STAG1: variants seen among roughly 807,000 people sequenced by gnomAD.
STAG1 encodes the protein STAG1 cohesin complex component.
Under a neutral mutation model 170.9 loss-of-function variants are expected in STAG1, and 26 were observed. The ratio of observed to expected loss-of-function variants is 0.15; its 90% CI spans 0.11 to 0.21. The LOEUF (loss-of-function observed/expected upper bound fraction) is 0.21, where lower values mean the gene tolerates loss of function less well. Ranked by LOEUF, STAG1 falls within the 10% of genes least tolerant of loss-of-function variation. The pLI, the probability that STAG1 is intolerant of heterozygous loss-of-function variation, is 1.00. For missense variants in STAG1, 964 were observed against 1,509.5 expected (o/e 0.64, Z 5.99); for synonymous variants, 514 against 497.7 (o/e 1.03, Z -0.44).
intron 6 of STAG1, among the ~76,000 whole-genome samples, chr3:136,522,289 C>T (rs958369702): frequency 2.0e-5 from 3 of 152,118 alleles, no homozygotes; most frequent in Non-Finnish European, 2.9e-5. Flanking sequence ...ATACAGAACA[C>T]CAGATCCCAA....
rs1458348459 is a variant in STAG1 at position 136,337,383 on chromosome 3, A to G, written c.*871T>C. ...AATAAGTGGTAAAAACAGCAAACTG[A>G]TAACTTGAGAATCATTTTCGTTTTA... On this transcript the variant is annotated 3_prime_UTR_variant, in exon 34 of 34. Transcript: ENST00000383202. 1.3e-5 allele frequency: 2 copies of G among 152,636 alleles called. No homozygotes were observed. Among genetic ancestry groups the G allele is most frequent in the African/African-American group, 2.4e-5 (1 of 41,450 alleles). The allele number at this position is 152,636 out of a possible 1,614,324, so 9.5% of individuals were successfully genotyped here.
intron 1 of STAG1, among the ~76,000 whole-genome samples, chr3:136,677,247 T>C (rs903626187): frequency 2.0e-5 from 3 of 152,150 alleles, no homozygotes; most frequent in Admixed American, 6.5e-5. Flanking sequence ...GGCAGCCCAA[T>C]AGGTTTATAC....
At chr3:136,420,999 G>A (rs900994318) in intron 20 of STAG1, 94 bp downstream of exon 20, 10 of 680,614 alleles carry the variant, frequency 1.5e-5, no homozygotes, top group Non-Finnish European at 2.4e-5. Context: ...TCCAATTCAT[G>A]GCCTCAAGCA....
At chr3:136,586,662 G>A (rs994924413) in intron 4 of STAG1, 1 of 305,482 alleles carries the variant, frequency 3.3e-6, no homozygotes, top group African/African-American at 2.2e-5. Context: ...ATAATCTATT[G>A]TGTTTTGGAG....
At chr3:136,742,566 T>C (rs1934722841) in intron 1 of STAG1, among the ~76,000 whole-genome samples, 1 of 151,788 alleles carries the variant, frequency 6.6e-6, no homozygotes, top group Non-Finnish European at 1.5e-5. Context: ...AATACAAAAA[T>C]TAGCTGGGTG....
In STAG1 at chr3:136,359,017, C is replaced by T. The variant is rs192204293; in HGVS notation, c.2936+131G>A. On this transcript the variant is annotated intron_variant, in intron 27 of 33. Coordinates refer to ENST00000383202, the MANE Select transcript of STAG1 (RefSeq NM_005862.3). ...TAAAAACATCCTCCCAGTTTAGAAT[C>T]TCTAAACTAATCTCCAAAGTTCTTA... is the stretch of plus-strand genomic sequence containing the variant. 3.4e-4 allele frequency: 255 copies of T among 749,712 alleles called. 1 individual carries two copies. The highest frequency in any genetic ancestry group is 3.0e-3 in the African/African-American group (170 of 55,898). 46.4% of individuals were successfully genotyped at this position (749,712 alleles called of 1,614,324 possible).
chr3:136,748,129 T>C (rs569197180), intron 1 of STAG1, among the ~76,000 whole-genome samples: 32 of 146,670 alleles, frequency 2.2e-4, no homozygotes, highest in South Asian at 9.8e-4. Context: ...CGGTGGCTCA[T>C]GCCTGTAATC....
intron 1 of STAG1, among the ~76,000 whole-genome samples, chr3:136,734,048 A>G (rs1291570832): frequency 2.7e-5 from 4 of 149,220 alleles, no homozygotes; most frequent in South Asian, 2.2e-4. Context: ...CAGAGCTTGC[A>G]GTGAGCCAAG....
rs981664832 is a variant in STAG1 at position 136,678,274 on chromosome 3, G to C, written c.-83-47293C>G. 2.0e-5 allele frequency among the ~76,000 whole-genome samples: 3 copies of C among 150,898 alleles called. No homozygotes were observed. The East Asian group carries it at 5.8e-4, about 29-fold the overall frequency. ...AAACTTGAAACTGCTTCAAATAACA[G>C]TGCATATTAGACTGTCACAGAAAAT... On this transcript the variant is annotated intron_variant, in intron 1 of 33. Transcript: ENST00000383202.
At chr3:136,465,081 CAA>C (rs1472710382) in intron 12 of STAG1, 93 bp from the exon 13 acceptor site, 3 of 823,930 alleles carry the variant, frequency 3.6e-6, no homozygotes, top group East Asian at 5.8e-5. Flanking sequence ...TTATAAAGCT[CAA>C]GACTTAATAA....
rs549705525 is a variant in STAG1 at position 136,365,981 on chromosome 3, T to C, written c.2685+962A>G. Among the ~76,000 whole-genome samples, 4 of 151,894 alleles carry C rather than the reference T, an allele frequency of 2.6e-5. No individual in the cohort carries two copies. The South Asian group carries it at 8.3e-4, about 32-fold the overall frequency. ...GCTCCTATTTATCCATGCAACTCTG[T>C]TTACACATTAGCTTTAGGAAGTCTT... On this transcript the variant is annotated intron_variant, in intron 25 of 33. Transcript: ENST00000383202.
At chr3:136,399,675 C>CT (rs1461300649) in intron 21 of STAG1, among the ~76,000 whole-genome samples, 2 of 152,036 alleles carry the variant, frequency 1.3e-5, no homozygotes, top group Non-Finnish European at 1.5e-5. Context: ...GATTAACATG[C>CT]TTATATATGT....
intron 22 of STAG1, among the ~76,000 whole-genome samples, chr3:136,391,314 G>A (rs1301583583): frequency 6.6e-6 from 1 of 150,524 alleles, no homozygotes; most frequent in African/African-American, 2.4e-5. Context: ...AAAAAATAAG[G>A]ATAAATTCTA....
intron 15 of STAG1, among the ~76,000 whole-genome samples, chr3:136,439,005 T>G (rs934774638): frequency 2.0e-5 from 3 of 151,670 alleles, no homozygotes; most frequent in Admixed American, 1.3e-4. Flanking sequence ...GAGACCAGCC[T>G]GGCCAACATG....
intron 9 of STAG1, among the ~76,000 whole-genome samples, chr3:136,486,773 A>G (rs1385245401): frequency 6.6e-6 from 1 of 152,106 alleles, no homozygotes; most frequent in Non-Finnish European, 1.5e-5. Flanking sequence ...TGGAATTACT[A>G]CTAATACTGA....
At chr3:136,453,478 C>T (rs1459216073) in intron 13 of STAG1, among the ~76,000 whole-genome samples, 1 of 151,584 alleles carries the variant, frequency 6.6e-6, no homozygotes, top group African/African-American at 2.4e-5. Flanking sequence ...GTAGTCCCAC[C>T]TACTCGGGAG....
Position 136,497,819 on chromosome 3 carries a change from C to T in STAG1, c.902+2404G>A, listed in dbSNP as rs560193587. Among the ~76,000 whole-genome samples the T allele has an allele frequency of 2.4e-3, 367 of 150,286 alleles. 2 individuals are homozygous for T. Among genetic ancestry groups the T allele is most frequent in the African/African-American group, 8.3e-3 (340 of 40,844 alleles). The stretch of plus-strand genomic sequence containing the variant: ...GCAGTGAGCCGAGATCGCGCCACTG[C>T]ACTCTAGCCTGGGCAACAGAGCGAG... On this transcript the variant is annotated intron_variant, in intron 9 of 33. Transcript: ENST00000383202.
At chr3:136,541,447 A>G (rs974307017) in intron 6 of STAG1, among the ~76,000 whole-genome samples, 30 of 152,036 alleles carry the variant, frequency 2.0e-4, no homozygotes, top group African/African-American at 7.0e-4. Flanking sequence ...GAGAAAGGTG[A>G]TTAATTTGTG....
intron 12 of STAG1, among the ~76,000 whole-genome samples, chr3:136,468,300 C>G (rs1484817546): frequency 1.3e-5 from 2 of 151,708 alleles, no homozygotes; most frequent in East Asian, 1.9e-4. Context: ...ATCAAATAGA[C>G]GCAATAAAAA....
Sources: gnomAD v4.1 joint callset for allele counts (sites outside exome capture counted in the v4.1 genomes callset) on GRCh38, gnomAD v4.1.1 for gene constraint, MANE v1.5 for transcripts, NCBI Gene and HGNC (gene_info 2026-07-23, HGNC 2026-07-21) for gene names.